Variants in PCDH11X observed in about 807,000 individuals in gnomAD.
The protein encoded by PCDH11X is protocadherin 11 X-linked.
A neutral mutation model predicts 53.3 loss-of-function variants in PCDH11X; 18 were observed. That is an observed-to-expected ratio of 0.34 (90% CI 0.23 to 0.50). The LOEUF is 0.50. Among genes scored for constraint, PCDH11X ranks in the 20% least tolerant of loss-of-function variants. PCDH11X has a pLI of 0.98. For synonymous variants in PCDH11X, 279 were observed against 393.3 expected (o/e 0.71, Z 3.44); for missense variants, 570 against 1,032.4 (o/e 0.55, Z 6.14).
intron 6 of PCDH11X, among the ~76,000 whole-genome samples, chrX:92,042,270 A>T (rs1166439210): frequency 9.1e-6 from 1 of 110,036 alleles, no homozygotes; most frequent in Non-Finnish European, 1.9e-5. Context: ...TCTTCGGTGA[A>T]CAATCAGAAA....
At chrX:91,976,899 T>C (rs2062054376) in intron 6 of PCDH11X, among the ~76,000 whole-genome samples, 1 of 111,864 alleles carries the variant, frequency 8.9e-6, no homozygotes, top group Non-Finnish European at 1.9e-5. Context: ...TTATTTGTGA[T>C]CAGGTTAGCT....
intron 5 of PCDH11X, among the ~76,000 whole-genome samples, chrX:91,875,432 G>A (rs2524538): frequency 2.8e-5 from 3 of 106,779 alleles, no homozygotes; most frequent in African/African-American, 6.9e-5. Context: ...ACAGGCGCCC[G>A]CCACCACGCC....
chrX:91,787,838 G>C (rs908610484), intron 1 of PCDH11X, among the ~76,000 whole-genome samples: 2 of 109,126 alleles, frequency 1.8e-5, no homozygotes, highest in African/African-American at 6.7e-5. Flanking sequence ...CTAAAACAAT[G>C]AACAACAACA....
chrX:92,600,302 A>C (rs1320477154), intron 10 of PCDH11X, among the ~76,000 whole-genome samples: 1 of 110,684 alleles, frequency 9.0e-6, no homozygotes, highest in Non-Finnish European at 1.9e-5. Flanking sequence ...CAGCACCTAC[A>C]GTCACAAGCT....
At chrX:92,567,656 A>G (rs1419096011) in intron 10 of PCDH11X, among the ~76,000 whole-genome samples, 1 of 109,932 alleles carries the variant, frequency 9.1e-6, no homozygotes, top group Non-Finnish European at 1.9e-5. Flanking sequence ...AGAACCTCCA[A>G]TACTATATTG....
chrX:92,485,909 G>A (rs947539759), intron 10 of PCDH11X, among the ~76,000 whole-genome samples: 23 of 110,836 alleles, frequency 2.1e-4, no homozygotes, highest in Non-Finnish European at 4.3e-4. Context: ...GTAGAACACA[G>A]GGTCAAAGCT....
At chrX:92,261,577 A>G (rs2067715851) in intron 7 of PCDH11X, among the ~76,000 whole-genome samples, 1 of 111,888 alleles carries the variant, frequency 8.9e-6, no homozygotes, top group Non-Finnish European at 1.9e-5. Flanking sequence ...GCTTTGTGAT[A>G]AGTGGTGAAA....
chrX:91,976,408 T>A (rs2147919109), intron 6 of PCDH11X, among the ~76,000 whole-genome samples: 1 of 112,471 alleles, frequency 8.9e-6, no homozygotes, highest in South Asian at 3.7e-4. Flanking sequence ...TAATTGAATT[T>A]TTCATCCAAA....
chrX:92,593,869 G>A (rs981621708), intron 10 of PCDH11X, among the ~76,000 whole-genome samples: 5 of 100,422 alleles, frequency 5.0e-5, no homozygotes, highest in Non-Finnish European at 8.1e-5. Flanking sequence ...TTACCTCATG[G>A]TCAAACTGAT....
chrX:91,852,744 C>A (rs1938102392), intron 5 of PCDH11X, among the ~76,000 whole-genome samples: 1 of 110,785 alleles, frequency 9.0e-6, no homozygotes, highest in African/African-American at 3.3e-5. Context: ...CCAAATAGAT[C>A]TTAGTGGCAC....
intron 6 of PCDH11X, among the ~76,000 whole-genome samples, chrX:92,133,770 A>G (rs182741208): frequency 8.9e-5 from 10 of 112,488 alleles, no homozygotes; most frequent in Non-Finnish European, 1.7e-4. Flanking sequence ...GAAACAATAC[A>G]CATGTATTCT....
At chrX:92,313,747 C>T (rs2069008984) in intron 8 of PCDH11X, among the ~76,000 whole-genome samples, 1 of 111,531 alleles carries the variant, frequency 9.0e-6, no homozygotes, top group African/African-American at 3.3e-5. Context: ...GGTTACAAAT[C>T]TGTACAGCAT....
intron 8 of PCDH11X, among the ~76,000 whole-genome samples, chrX:92,271,416 AG>A (rs2067955055): frequency 8.9e-6 from 1 of 111,952 alleles, no homozygotes; most frequent in Non-Finnish European, 1.9e-5. Context: ...AAAGGGACGA[AG>A]GGGTTTAGTG....
rs750947052 is a variant in PCDH11X at position 92,192,029 on chromosome X, A to AG, written c.3034-9344dup. On this transcript the variant is annotated intron_variant, in intron 6 of 10. Coordinates refer to ENST00000682573, the MANE Select transcript of PCDH11X (RefSeq NM_032968.5). ...TAACATTTCTTCATCAAATAACTCA[A>AG]GGTTAGGAAGAAGTGCCTTTTTATG... Among the ~76,000 whole-genome samples, 4 of 111,601 alleles carry AG rather than the reference A, an allele frequency of 3.6e-5. No individual in the cohort carries two copies. In the South Asian group the frequency reaches 1.5e-3, roughly 42 times the overall value.
intron 6 of PCDH11X, among the ~76,000 whole-genome samples, chrX:91,977,838 C>T (rs1334522063): frequency 9.0e-6 from 1 of 111,124 alleles, no homozygotes; most frequent in African/African-American, 3.3e-5. Flanking sequence ...GTGCTGGGTT[C>T]TGCTTTAAAT....
At chrX:92,399,679 T>A (rs887176050) in intron 9 of PCDH11X, among the ~76,000 whole-genome samples, 2 of 111,370 alleles carry the variant, frequency 1.8e-5, no homozygotes, top group African/African-American at 6.5e-5. Flanking sequence ...CTTCTTTCTG[T>A]ATATCTGTCC....
chrX:92,044,751 T>A (rs1433468059), intron 6 of PCDH11X, among the ~76,000 whole-genome samples: 2 of 103,544 alleles, frequency 1.9e-5, no homozygotes, highest in Non-Finnish European at 3.9e-5. Context: ...ATAAAATTCA[T>A]GAATTCTCTC....
intron 10 of PCDH11X, among the ~76,000 whole-genome samples, chrX:92,501,255 A>G (rs767142378): frequency 1.8e-5 from 2 of 109,796 alleles, no homozygotes; most frequent in African/African-American, 6.6e-5. Flanking sequence ...TAAAAAATAA[A>G]TCACAGGACC....
At chrX:91,907,420 G>GAGAA (rs1941221403) in intron 6 of PCDH11X, among the ~76,000 whole-genome samples, 1 of 81,152 alleles carries the variant, frequency 1.2e-5, no homozygotes, top group African/African-American at 4.4e-5. Flanking sequence ...CACAGAGAGA[G>GAGAA]AGAGAGAGAG....
Sources: gnomAD v4.1 joint callset for allele counts (sites outside exome capture counted in the v4.1 genomes callset) on GRCh38, gnomAD v4.1.1 for gene constraint, MANE v1.5 for transcripts, NCBI Gene and HGNC (gene_info 2026-07-23, HGNC 2026-07-21) for gene names.